Variants in CHCHD6 observed in about 807,000 individuals in gnomAD.
CHCHD6 encodes MICOS complex subunit MIC25.
In CHCHD6, 28 loss-of-function variants were observed where a neutral mutation model predicts 32.3. The ratio of observed to expected loss-of-function variants is 0.87; its 90% CI spans 0.64 to 1.19. The LOEUF (loss-of-function observed/expected upper bound fraction) is 1.19, where lower values mean the gene tolerates loss of function less well. Ranked by LOEUF, CHCHD6 falls within the 50% of genes most tolerant of loss-of-function variation. CHCHD6 has a pLI of 0.00. For synonymous variants in CHCHD6, 122 were observed against 117.5 expected, an observed-to-expected ratio of 1.04 and a Z score of -0.25; for missense variants, 333 against 307.0, an observed-to-expected ratio of 1.08 and a Z score of -0.63.
intron 5 of CHCHD6, among the ~76,000 whole-genome samples, chr3:126,903,968 T>C (rs2077969581): frequency 6.6e-6 from 1 of 152,240 alleles, no homozygotes; most frequent in Non-Finnish European, 1.5e-5. Flanking sequence ...GGATGAGATT[T>C]ACCTTTCACG....
intron 1 of CHCHD6, among the ~76,000 whole-genome samples, chr3:126,711,340 CTT>C (rs1205806774): frequency 6.6e-6 from 1 of 152,204 alleles, no homozygotes; most frequent in African/African-American, 2.4e-5. Flanking sequence ...GTGCGGCAGA[CTT>C]TGTTTTCCGC....
At chr3:126,869,142 A>G (rs150369509) in intron 5 of CHCHD6, among the ~76,000 whole-genome samples, 161 of 152,338 alleles carry the variant, frequency 1.1e-3, no homozygotes, top group African/African-American at 3.7e-3. Context: ...ATTTTAAGCA[A>G]CCTTATTTGT....
chr3:126,946,086 C>T (rs963512183), intron 6 of CHCHD6, among the ~76,000 whole-genome samples: 2 of 152,028 alleles, frequency 1.3e-5, no homozygotes, highest in Admixed American at 6.5e-5. Context: ...TGGGGCAGCC[C>T]AAGGACTCCC....
intron 5 of CHCHD6, among the ~76,000 whole-genome samples, chr3:126,895,635 A>G (rs1195514235): frequency 6.6e-6 from 1 of 152,174 alleles, no homozygotes; most frequent in African/African-American, 2.4e-5. Context: ...AAATTGCTAG[A>G]TTTTGTATTT....
chr3:126,860,907 C>T (rs1045804393), intron 5 of CHCHD6, among the ~76,000 whole-genome samples: 3 of 152,134 alleles, frequency 2.0e-5, no homozygotes, highest in African/African-American at 7.2e-5. Context: ...CACAGATGGC[C>T]CAAGGCAGTT....
chr3:126,825,050 A>G (rs949704854), intron 4 of CHCHD6, among the ~76,000 whole-genome samples: 1 of 152,110 alleles, frequency 6.6e-6, no homozygotes, highest in African/African-American at 2.4e-5. Flanking sequence ...ATAGTCTTTT[A>G]AGGCTATAAT....
At chr3:126,829,741 C>T (rs530392670) in intron 4 of CHCHD6, among the ~76,000 whole-genome samples, 1 of 152,246 alleles carries the variant, frequency 6.6e-6, no homozygotes, top group Non-Finnish European at 1.5e-5. Flanking sequence ...AGAGCCCTTA[C>T]CAGACATCAA....
chr3:126,945,467 G>A lies in CHCHD6; in HGVS notation c.567-11949G>A, dbSNP rs540141080. Among the ~76,000 whole-genome samples the A allele has an allele frequency of 1.9e-4, 29 of 149,614 alleles. No homozygotes were observed. The East Asian group carries it at 5.9e-3, about 30-fold the overall frequency. ...TCGAGTGGGGAGACTTGGGAGCGGG[G>A]AAAGTCGGGAACAGGGAGACTCTAG... On this transcript the variant is annotated intron_variant, in intron 6 of 7. Transcript: ENST00000290913.
At chr3:126,704,422 G>C in intron 1 of CHCHD6, 23 bp downstream of exon 1, 5 of 1,483,758 alleles carry the variant, frequency 3.4e-6, no homozygotes, top group Non-Finnish European at 3.6e-6. Flanking sequence ...GCCTGGGCCG[G>C]GGCGGGCGTG....
chr3:126,752,136 G>C (rs1216938004), intron 4 of CHCHD6, among the ~76,000 whole-genome samples: 1 of 152,216 alleles, frequency 6.6e-6, no homozygotes, highest in Non-Finnish European at 1.5e-5. Context: ...CTTCACTGGG[G>C]ACAGGCTCTG....
chr3:126,797,685 G>C, intron 4 of CHCHD6, among the ~76,000 whole-genome samples: 1 of 152,176 alleles, frequency 6.6e-6, no homozygotes, highest in East Asian at 1.9e-4. Flanking sequence ...AAAAGAAAAA[G>C]TGAAAGTCAG....
intron 4 of CHCHD6, among the ~76,000 whole-genome samples, chr3:126,849,169 C>T (rs1248229221): frequency 6.6e-6 from 1 of 152,210 alleles, no homozygotes; most frequent in Non-Finnish European, 1.5e-5. Context: ...ATATCAGCTT[C>T]TTATTTTAGG....
chr3:126,928,890 G>T (rs887773257), intron 6 of CHCHD6, among the ~76,000 whole-genome samples: 3 of 152,196 alleles, frequency 2.0e-5, no homozygotes, highest in Non-Finnish European at 2.9e-5. Flanking sequence ...TCATTCATGT[G>T]TGGTCACCCT....
At chr3:126,709,582 T>G (rs554863422) in intron 1 of CHCHD6, among the ~76,000 whole-genome samples, 1 of 152,262 alleles carries the variant, frequency 6.6e-6, no homozygotes, top group African/African-American at 2.4e-5. Context: ...CTGAACTGTT[T>G]GCTGAAGAAG....
chr3:126,717,702 G>C (rs949122137), intron 1 of CHCHD6, among the ~76,000 whole-genome samples: 2 of 152,188 alleles, frequency 1.3e-5, no homozygotes, highest in Non-Finnish European at 2.9e-5. Context: ...TCAGATTTTG[G>C]TTTCTTCCTT....
intron 5 of CHCHD6, among the ~76,000 whole-genome samples, chr3:126,894,189 A>G (rs1195122653): frequency 1.3e-5 from 2 of 152,170 alleles, no homozygotes; most frequent in Admixed American, 6.5e-5. Context: ...GCTTGAGGCC[A>G]TGTGTTTTTC....
At chr3:126,707,302 G>C (rs1349044554) in intron 1 of CHCHD6, among the ~76,000 whole-genome samples, 3 of 151,552 alleles carry the variant, frequency 2.0e-5, no homozygotes, top group Admixed American at 2.0e-4. Flanking sequence ...GGCCTTGCTA[G>C]TTTACATACT....
chr3:126,731,878 C>T (rs2107658870), intron 3 of CHCHD6, among the ~76,000 whole-genome samples: 1 of 151,896 alleles, frequency 6.6e-6, no homozygotes, highest in Middle Eastern at 3.4e-3. Flanking sequence ...GAGTTTGAGC[C>T]CAGTCTGGGC....
chr3:126,803,892 A>T (rs551383903), intron 4 of CHCHD6, among the ~76,000 whole-genome samples: 1 of 152,340 alleles, frequency 6.6e-6, no homozygotes, highest in South Asian at 2.1e-4. Flanking sequence ...TCAAACTAGA[A>T]CTCAGGATTA....
Sources: gnomAD v4.1 joint callset for allele counts (sites outside exome capture counted in the v4.1 genomes callset) on GRCh38, gnomAD v4.1.1 for gene constraint, MANE v1.5 for transcripts, NCBI Gene and HGNC (gene_info 2026-07-23, HGNC 2026-07-21) for gene names.